Variants in DYSF observed in about 807,000 individuals in gnomAD.
The protein encoded by DYSF is dystrophy-associated fer-1-like 1.
DYSF carries 212 observed loss-of-function variants against 274.9 expected under a neutral mutation model. The ratio of observed to expected loss-of-function variants is 0.77; its 90% confidence interval spans 0.69 to 0.86. The LOEUF (loss-of-function observed/expected upper bound fraction) is 0.86, where lower values mean the gene tolerates loss of function less well. Among genes scored for constraint, DYSF ranks in the 40% least tolerant of loss-of-function variants. The pLI is 0.00. For missense variants in DYSF, 2,666 were observed against 2,783.2 expected (o/e 0.96, Z 0.95); for synonymous variants, 1,091 against 1,078.7 (o/e 1.01, Z -0.22).
chr2:71,572,623 C>T lies in DYSF; in HGVS notation c.3229-1575C>T, dbSNP rs79694679. ...CTGAGCTGTGGCCTGGGGAAGTTCA[C>T]AACTCGGAACACCACAGAATCCTCA... On this transcript the variant is annotated intron_variant, in intron 29 of 55. Coordinates refer to ENST00000410020, the MANE Select transcript of DYSF (RefSeq NM_001130987.2). Among the ~76,000 whole-genome samples the T allele has an allele frequency of 6.1e-3, 931 of 152,354 alleles. 9 individuals are homozygous for T. The highest frequency in any genetic ancestry group is 0.021 in the African/African-American group (875 of 41,576).
At chr2:71,645,230 G>A (rs4538231) in intron 42 of DYSF, among the ~76,000 whole-genome samples, 7,768 of 152,268 alleles carry the variant, frequency 0.051, 674 homozygotes, top group African/African-American at 0.18. Flanking sequence ...TGGATCGCAC[G>A]TGGGCTTGGA....
intron 42 of DYSF, among the ~76,000 whole-genome samples, chr2:71,647,783 A>G (rs1222378914): frequency 6.6e-6 from 1 of 152,244 alleles, no homozygotes; most frequent in Non-Finnish European, 1.5e-5. Context: ...GGGGTTTATT[A>G]TCTATTCTCT....
intron 17 of DYSF, among the ~76,000 whole-genome samples, chr2:71,542,189 G>A (rs10183978): frequency 0.021 from 3,202 of 152,168 alleles, 105 homozygotes; most frequent in African/African-American, 0.069. Flanking sequence ...AAAATCATGA[G>A]GTTATAAAAG....
intron 30 of DYSF, among the ~76,000 whole-genome samples, chr2:71,582,737 T>C (rs1181585228): frequency 6.6e-6 from 1 of 152,130 alleles, no homozygotes; most frequent in East Asian, 1.9e-4. Context: ...GTTCCTGCCA[T>C]GACCAATTTC....
At chr2:71,621,411 C>T (rs1488445549) in intron 41 of DYSF, among the ~76,000 whole-genome samples, 4 of 151,862 alleles carry the variant, frequency 2.6e-5, no homozygotes, top group Admixed American at 6.6e-5. Flanking sequence ...ATATGGAAAA[C>T]ACAAAAAGTG....
At chr2:71,546,153 G>A (rs576694262) in intron 17 of DYSF, among the ~76,000 whole-genome samples, 2 of 152,250 alleles carry the variant, frequency 1.3e-5, no homozygotes, top group Non-Finnish European at 2.9e-5. Flanking sequence ...CCTTGAGGTC[G>A]GGCCCTTGCC....
At chr2:71,571,840 T>A (rs867548719) in intron 29 of DYSF, among the ~76,000 whole-genome samples, 2 of 51,918 alleles carry the variant, frequency 3.9e-5, no homozygotes, top group South Asian at 6.6e-4. Context: ...ACCCAGCACA[T>A]GCACAGATCA....
intron 13 of DYSF, among the ~76,000 whole-genome samples, chr2:71,527,783 G>A (rs866531932): frequency 2.6e-5 from 4 of 151,924 alleles, no homozygotes; most frequent in Non-Finnish European, 4.4e-5. Context: ...CTATCTATCT[G>A]TATCTACATA....
intron 17 of DYSF, among the ~76,000 whole-genome samples, chr2:71,541,215 T>C (rs568159104): frequency 1.3e-5 from 2 of 152,328 alleles, no homozygotes; most frequent in African/African-American, 4.8e-5. Flanking sequence ...ATACAGTCCT[T>C]TGAGGGTTTG....
At chr2:71,484,406 A>G (rs1345557080) in intron 3 of DYSF, among the ~76,000 whole-genome samples, 1 of 152,138 alleles carries the variant, frequency 6.6e-6, no homozygotes, top group Non-Finnish European at 1.5e-5. Context: ...ATAGTTGTAT[A>G]TATCTATGGG....
upstream of DYSF, among the ~76,000 whole-genome samples, chr2:71,462,965 G>A (rs139972188): frequency 6.5e-3 from 993 of 152,330 alleles, 11 homozygotes; most frequent in African/African-American, 0.019. Context: ...TCTGGGCTGA[G>A]GACTCCACCT....
Position 71,620,562 on chromosome 2 carries a change from T to C in DYSF, c.4480T>C (p.Ser1494Pro), listed in dbSNP as rs1184551804. Residue 1494 changes from serine to proline, a missense_variant, in exon 41 of 56, where the codon TCG (serine) becomes CCG (proline). This residue lies in a region of DYSF where 1,460 missense variants were observed against 1,502.1 expected (regional missense o/e 0.97). Coordinates refer to ENST00000410020, the MANE Select transcript of DYSF (RefSeq NM_001130987.2). Reference sequence around the variant, plus strand: ...TCATTTGTAGCTTGCAGACGGTCTGTCGAGCTTGGCCCCCACTAACACGGC... The same window carrying C: ...TCATTTGTAGCTTGCAGACGGTCTGCCGAGCTTGGCCCCCACTAACACGGC... ...LIPIQLADGL[S>P]SLAPTNTASP... The C allele has an allele frequency of 5.8e-6, 9 of 1,551,588 alleles. No homozygotes were observed. Among genetic ancestry groups the C allele is most frequent in the Non-Finnish European group, 7.8e-6 (9 of 1,147,014 alleles).
chr2:71,549,486 G>A (rs1324419193), intron 17 of DYSF: 1 of 1,247,272 alleles, frequency 8.0e-7, no homozygotes, highest in African/African-American at 1.5e-5. Context: ...TTTTTGATTT[G>A]CCTGAGGTGG....
chr2:71,557,203 C>A (rs574155769), intron 22 of DYSF, among the ~76,000 whole-genome samples: 1 of 152,292 alleles, frequency 6.6e-6, no homozygotes, highest in African/African-American at 2.4e-5. Flanking sequence ...AGGTAAAGTG[C>A]GTTAGGAAGT....
At chr2:71,505,495 G>A (rs1168178507) in intron 4 of DYSF, among the ~76,000 whole-genome samples, 2 of 152,226 alleles carry the variant, frequency 1.3e-5, no homozygotes, top group South Asian at 2.1e-4. Flanking sequence ...CTGGCAGACT[G>A]AGAGGCGTGG....
intron 17 of DYSF, among the ~76,000 whole-genome samples, chr2:71,543,876 G>GGGGAGA (rs1173209952): frequency 5.4e-5 from 8 of 147,732 alleles, no homozygotes; most frequent in East Asian, 3.9e-4. Context: ...GGGAGACCGT[G>GGGGAGA]GGGAGAGGGA....
intron 4 of DYSF, among the ~76,000 whole-genome samples, chr2:71,509,537 A>T (rs1296453064): frequency 1.3e-5 from 2 of 151,818 alleles, no homozygotes; most frequent in Non-Finnish European, 2.9e-5. Context: ...AAATAGTGAT[A>T]TTCTCAGTTA....
intron 36 of DYSF, among the ~76,000 whole-genome samples, chr2:71,606,535 G>A (rs543855967): frequency 2.6e-5 from 4 of 152,050 alleles, no homozygotes; most frequent in African/African-American, 4.8e-5. Context: ...CTGTCCTGGA[G>A]AGGGGGTGCT....
At chr2:71,598,883 T>G in intron 33 of DYSF, 138 bp downstream of exon 33, 1 of 993,798 alleles carries the variant, frequency 1.0e-6, no homozygotes, top group Non-Finnish European at 1.5e-6. Flanking sequence ...TAAAATAATT[T>G]TAGAGTCATT....
Sources: gnomAD v4.1 joint callset for allele counts (sites outside exome capture counted in the v4.1 genomes callset) on GRCh38, gnomAD v4.1.1 for gene constraint, gnomAD v4.1.1 regional missense constraint, MANE v1.5 for transcripts, NCBI Gene and HGNC (gene_info 2026-07-23, HGNC 2026-07-21) for gene names.